The following PARD3B variants were observed in gnomAD, a reference collection of about 807,000 sequenced individuals.
The protein encoded by PARD3B is par-3 family cell polarity regulator beta.
PARD3B carries 103 observed loss-of-function variants against 130.2 expected under a neutral mutation model. The observed-to-expected ratio is 0.79, with a 90% CI of 0.67 to 0.93. The LOEUF is 0.93. PARD3B is among the 40% of genes least tolerant of loss of function. The pLI, the probability that PARD3B is intolerant of heterozygous loss-of-function variation, is 0.00. For synonymous variants in PARD3B, 583 were observed against 553.2 expected, an observed-to-expected ratio of 1.05 and a Z score of -0.76; for missense variants, 1,609 against 1,499.2, an observed-to-expected ratio of 1.07 and a Z score of -1.21.
intron 16 of PARD3B, among the ~76,000 whole-genome samples, chr2:205,247,483 C>T (rs1385165424): frequency 6.6e-6 from 1 of 152,150 alleles, no homozygotes; most frequent in East Asian, 1.9e-4. Context: ...AGGTTCATTG[C>T]AAATTCCATA....
intron 8 of PARD3B, 108 bp from the exon 9 acceptor site, chr2:205,124,219 T>C (rs41272651): frequency 0.035 from 32,487 of 921,826 alleles, 780 homozygotes; most frequent in African/African-American, 0.1. Context: ...AATGTAAATA[T>C]TTTACTGATT....
In PARD3B at chr2:204,585,941, A is replaced by G. The variant is rs191709684; in HGVS notation, c.120+39822A>G. ...TGATCCTATGCATGCATATGAGATG[A>G]CAGATCTTACTTTACTATATCATTT... On this transcript the variant is annotated intron_variant, in intron 1 of 22. Coordinates refer to ENST00000406610, the MANE Select transcript of PARD3B (RefSeq NM_001302769.2). Among the ~76,000 whole-genome samples, 18 of 152,302 alleles carry G rather than the reference A, an allele frequency of 1.2e-4. No homozygotes were observed. The East Asian group carries it at 3.5e-3, about 29-fold the overall frequency.
intron 2 of PARD3B, among the ~76,000 whole-genome samples, chr2:204,727,408 G>A (rs532882904): frequency 6.6e-6 from 1 of 152,304 alleles, no homozygotes; most frequent in Non-Finnish European, 1.5e-5. Flanking sequence ...TAGTTTCTAA[G>A]CATGGATAGG....
chr2:205,431,425 C>T (rs2047329273), intron 19 of PARD3B, among the ~76,000 whole-genome samples: 1 of 151,970 alleles, frequency 6.6e-6, no homozygotes, highest in African/African-American at 2.4e-5. Flanking sequence ...TATGGGAGCT[C>T]ATTGTGCTAT....
chr2:204,662,038 G>GA (rs1355974841), intron 1 of PARD3B, among the ~76,000 whole-genome samples: 1 of 152,132 alleles, frequency 6.6e-6, no homozygotes, highest in African/African-American at 2.4e-5. Context: ...TTACAAGGGA[G>GA]AAAATGAAAC....
rs199678635 is a variant in PARD3B, at chr2:205,244,675, A to ATT, written c.2141-1094_2141-1093dup. Among the ~76,000 whole-genome samples, 1 of 149,004 alleles carries ATT rather than the reference A, an allele frequency of 6.7e-6. No homozygotes were observed. Among genetic ancestry groups the ATT allele is most frequent in the African/African-American group, 2.5e-5 (1 of 40,526 alleles). ...GTGGGAAAGTTTTACTTATAAACAC[A>ATT]TTTTTTTTTTCAAAAAACTACTATA... On this transcript the variant is annotated intron_variant, in intron 15 of 22. Coordinates refer to ENST00000406610, the MANE Select transcript of PARD3B (RefSeq NM_001302769.2). This position sits in a 1 kb window ranked among gnomAD's most constrained non-coding sequence, Gnocchi z 4.7.
chr2:204,989,499 G>A (rs1220373828), intron 3 of PARD3B, among the ~76,000 whole-genome samples: 1 of 152,114 alleles, frequency 6.6e-6, no homozygotes, highest in African/African-American at 2.4e-5. Flanking sequence ...GCAACGCAGT[G>A]AGCACCCATG....
rs994365428 is a variant in PARD3B at position 205,370,849 on chromosome 2, C to T, written c.2631-30164C>T. On this transcript the variant is annotated intron_variant, in intron 18 of 22. Transcript: ENST00000406610. The stretch of plus-strand genomic sequence containing the variant: ...GAGTGGGTGGTAGGGTGATGTTTGC[C>T]TTGGCTTGACAGCTGTCAACTGTCT... 4.0e-5 allele frequency among the ~76,000 whole-genome samples: 6 copies of T among 151,812 alleles called. No homozygotes were observed. In the East Asian group the frequency reaches 9.7e-4, roughly 24 times the overall value.
At chr2:204,974,342 G>C (rs999147989) in intron 3 of PARD3B, among the ~76,000 whole-genome samples, 1 of 152,034 alleles carries the variant, frequency 6.6e-6, no homozygotes. Flanking sequence ...GGGGAAAATG[G>C]GTAGGCTTAT....
At chr2:205,343,362 G>A (rs1360890518) in intron 18 of PARD3B, among the ~76,000 whole-genome samples, 4 of 152,202 alleles carry the variant, frequency 2.6e-5, no homozygotes, top group South Asian at 4.1e-4. Context: ...TAGAAAGCCA[G>A]CCATAGAGTG....
intron 15 of PARD3B, among the ~76,000 whole-genome samples, chr2:205,224,063 CAAA>C (rs34894710): frequency 3.7e-5 from 5 of 134,938 alleles, no homozygotes; most frequent in Non-Finnish European, 3.2e-5. Context: ...GACTCCATCT[CAAA>C]AAAAAAAAAA....
At chr2:205,452,948 T>C (rs1007399484) in intron 20 of PARD3B, among the ~76,000 whole-genome samples, 6 of 152,204 alleles carry the variant, frequency 3.9e-5, no homozygotes, top group Admixed American at 3.9e-4. Flanking sequence ...CATTTAAGCA[T>C]TTAAGCATTG....
At chr2:205,393,252 C>T (rs1371364184) in intron 18 of PARD3B, among the ~76,000 whole-genome samples, 2 of 152,120 alleles carry the variant, frequency 1.3e-5, no homozygotes, top group Admixed American at 6.6e-5. Context: ...TAGTAAAGGG[C>T]CTATGAACTT....
At chr2:205,484,531 A>G (rs2049364492) in intron 20 of PARD3B, among the ~76,000 whole-genome samples, 1 of 152,214 alleles carries the variant, frequency 6.6e-6, no homozygotes, top group Admixed American at 6.5e-5. Context: ...GTTGGTTTAA[A>G]TGAGATTTTT....
At chr2:204,618,992 A>G (rs999340007) in intron 1 of PARD3B, among the ~76,000 whole-genome samples, 1 of 151,976 alleles carries the variant, frequency 6.6e-6, no homozygotes. Context: ...CTGTCTTTAC[A>G]TTAGCGTATT....
intron 18 of PARD3B, among the ~76,000 whole-genome samples, chr2:205,394,453 T>C (rs1034799996): frequency 6.6e-6 from 1 of 152,186 alleles, no homozygotes; most frequent in African/African-American, 2.4e-5. Flanking sequence ...CTGATCTTTC[T>C]GAGTCTCCTT....
chr2:204,546,125 C>T lies in PARD3B; in HGVS notation c.120+6C>T. 6.4e-7 allele frequency: 1 copy of T among 1,552,878 alleles called. No homozygotes were observed. Among genetic ancestry groups the T allele is most frequent in the African/African-American group, 1.4e-5 (1 of 73,272 alleles). ...ACCTGAAGACCCGGGAGAAGGTGAGCGCGGCGCGGAGGAGTGGGGCGCGGC... is the reference window on the plus strand; with the variant it reads ...ACCTGAAGACCCGGGAGAAGGTGAGTGCGGCGCGGAGGAGTGGGGCGCGGC... On this transcript the variant is annotated splice_donor_region_variant and intron_variant, in intron 1 of 22. Transcript: ENST00000406610.
chr2:205,433,092 G>T (rs1457862236), intron 19 of PARD3B, among the ~76,000 whole-genome samples: 6 of 152,076 alleles, frequency 3.9e-5, no homozygotes, highest in Non-Finnish European at 8.8e-5. Context: ...CTGTTAATTT[G>T]TTATAATAAC....
At chr2:205,259,211 T>C (rs1002723821) in intron 16 of PARD3B, among the ~76,000 whole-genome samples, 24 of 152,196 alleles carry the variant, frequency 1.6e-4, no homozygotes, top group African/African-American at 5.5e-4. Flanking sequence ...ACTCACCATT[T>C]TTCTTTGAAT....
Sources: gnomAD v4.1 joint callset for allele counts (sites outside exome capture counted in the v4.1 genomes callset) on GRCh38, gnomAD v4.1.1 for gene constraint, Gnocchi (gnomAD v3.1) non-coding constraint, MANE v1.5 for transcripts, NCBI Gene and HGNC (gene_info 2026-07-23, HGNC 2026-07-21) for gene names.